The following ROCK2 variants were observed in gnomAD, a reference collection of about 807,000 sequenced individuals.
ROCK2 encodes the protein Rho associated coiled-coil containing protein kinase 2, also known as rho-associated protein kinase 2.
ROCK2 carries 61 observed loss-of-function variants against 195.1 expected under a neutral mutation model. The observed-to-expected ratio is 0.31, with a 90% CI of 0.25 to 0.39. The LOEUF is 0.39. Among genes scored for constraint, ROCK2 ranks in the 10% least tolerant of loss-of-function variants. The pLI is 1.00. For synonymous variants in ROCK2, 504 were observed against 545.5 expected (o/e 0.92, Z 1.06); for missense variants, 1,109 against 1,637.4 (o/e 0.68, Z 5.57).
intron 4 of ROCK2, 100 bp downstream of exon 4, chr2:11,249,561 A>G: frequency 1.1e-6 from 1 of 920,608 alleles, no homozygotes; most frequent in Non-Finnish European, 1.5e-6. Context: ...CACTGTTACC[A>G]TGTAAATGAA....
intron 12 of ROCK2, among the ~76,000 whole-genome samples, chr2:11,216,613 C>T (rs1004155052): frequency 2.0e-5 from 3 of 151,874 alleles, no homozygotes; most frequent in African/African-American, 4.8e-5. Context: ...CAGGTTCAAG[C>T]GACTGTCCCG....
intron 3 of ROCK2, among the ~76,000 whole-genome samples, chr2:11,265,089 A>C (rs1333850652): frequency 6.6e-6 from 1 of 151,832 alleles, no homozygotes; most frequent in Non-Finnish European, 1.5e-5. Context: ...TAGTAATAAT[A>C]CTTACCTGAA....
intron 4 of ROCK2, among the ~76,000 whole-genome samples, chr2:11,244,257 T>A (rs1665534033): frequency 6.6e-6 from 1 of 152,188 alleles, no homozygotes; most frequent in Non-Finnish European, 1.5e-5. Flanking sequence ...ATGTAATATC[T>A]TCAACTTTGC....
At chr2:11,266,636 C>T (rs1262043722) in intron 3 of ROCK2, among the ~76,000 whole-genome samples, 3 of 152,182 alleles carry the variant, frequency 2.0e-5, no homozygotes, top group Non-Finnish European at 4.4e-5. Flanking sequence ...CAAAAACATA[C>T]TCATAAAGAT....
chr2:11,310,772 C>T (rs1433073646), intron 1 of ROCK2, among the ~76,000 whole-genome samples: 2 of 151,884 alleles, frequency 1.3e-5, no homozygotes, highest in Non-Finnish European at 2.9e-5. Flanking sequence ...TGTTATATAA[C>T]ACACACTGAC....
chr2:11,342,052 G>A (rs943133037), intron 1 of ROCK2, among the ~76,000 whole-genome samples: 5 of 151,978 alleles, frequency 3.3e-5, no homozygotes, highest in Non-Finnish European at 7.4e-5. Context: ...TAAAATACGC[G>A]TAATTTAAAA....
intron 3 of ROCK2, among the ~76,000 whole-genome samples, chr2:11,264,190 C>G (rs1335516474): frequency 6.6e-6 from 1 of 152,074 alleles, no homozygotes; most frequent in African/African-American, 2.4e-5. Context: ...TCTTTATCAG[C>G]ACTTCACAAC....
In ROCK2 at chr2:11,313,313, T is replaced by C. The variant is rs555974094; in HGVS notation, c.142-25577A>G. The stretch of plus-strand genomic sequence containing the variant: ...CTATTAACTATTAACTAAAGACAAA[T>C]TAAAACTAACAAGAAAGACTCTGAC... On this transcript the variant is annotated intron_variant, in intron 1 of 32. Transcript: ENST00000315872. Among the ~76,000 whole-genome samples, 12 of 152,142 alleles carry C rather than the reference T, an allele frequency of 7.9e-5. No homozygotes were observed. In the South Asian group the frequency reaches 2.5e-3, roughly 32 times the overall value.
intron 3 of ROCK2, among the ~76,000 whole-genome samples, chr2:11,269,252 C>T (rs1666537655): frequency 6.6e-6 from 1 of 152,158 alleles, no homozygotes. Context: ...TGGCTCATGC[C>T]TGTAATATCA....
chr2:11,199,770 A>T (rs1449986860), intron 23 of ROCK2, among the ~76,000 whole-genome samples: 2 of 152,192 alleles, frequency 1.3e-5, no homozygotes, highest in Non-Finnish European at 2.9e-5. Flanking sequence ...GCATTCATTC[A>T]TTCATGGACA....
At chr2:11,331,041 A>AGGGAGGAGGG (rs1668748553) in intron 1 of ROCK2, among the ~76,000 whole-genome samples, 1 of 99,998 alleles carries the variant, frequency 1.0e-5, no homozygotes, top group Non-Finnish European at 2.2e-5. Flanking sequence ...AGGGAGGAGG[A>AGGGAGGAGGG]GGGAGGAGGA....
intron 1 of ROCK2, among the ~76,000 whole-genome samples, chr2:11,304,690 G>T (rs74547978): frequency 6.6e-6 from 1 of 152,074 alleles, no homozygotes; most frequent in Non-Finnish European, 1.5e-5. Flanking sequence ...TCATCTGCTC[G>T]CATCCACCTA....
At chr2:11,212,209 G>A (rs1664274470) in intron 17 of ROCK2, among the ~76,000 whole-genome samples, 1 of 152,060 alleles carries the variant, frequency 6.6e-6, no homozygotes, top group Non-Finnish European at 1.5e-5. Flanking sequence ...GGGCCATGGT[G>A]CTCAACCTTA....
chr2:11,258,938 C>A (rs1666129519), intron 3 of ROCK2, among the ~76,000 whole-genome samples: 1 of 150,350 alleles, frequency 6.7e-6, no homozygotes, highest in South Asian at 2.1e-4. Flanking sequence ...AGTTGGATTA[C>A]TGAAGAAGTA....
intron 3 of ROCK2, among the ~76,000 whole-genome samples, chr2:11,264,385 G>C (rs13423316): frequency 1.7e-3 from 218 of 127,026 alleles, no homozygotes; most frequent in African/African-American, 5.2e-3. Flanking sequence ...TTAACTATAA[G>C]AGTTGACAGA....
Position 11,235,510 on chromosome 2 carries a change from C to A in ROCK2, c.723+192G>T, listed in dbSNP as rs1285976805. Among the ~76,000 whole-genome samples, 1 of 152,144 alleles carries A rather than the reference C, an allele frequency of 6.6e-6. No homozygotes were observed. Among genetic ancestry groups the A allele is most frequent in the Non-Finnish European group, 1.5e-5 (1 of 68,012 alleles). On this transcript the variant is annotated intron_variant, in intron 5 of 32. Coordinates refer to ENST00000315872, the MANE Select transcript of ROCK2 (RefSeq NM_004850.5). This position sits in a 1 kb window ranked among gnomAD's most constrained non-coding sequence, Gnocchi z 4.2. ...TCTCTTGATAAGTACTCTACAGCTACATAAATGATTACAAAAGAAATGTTT... is the reference window on the plus strand; with the variant it reads ...TCTCTTGATAAGTACTCTACAGCTAAATAAATGATTACAAAAGAAATGTTT...
At chr2:11,229,009 A>C (rs1373915619) in intron 5 of ROCK2, among the ~76,000 whole-genome samples, 1 of 152,096 alleles carries the variant, frequency 6.6e-6, no homozygotes, top group Non-Finnish European at 1.5e-5. Flanking sequence ...AGTGAAATCC[A>C]AATCAACTAA....
At chr2:11,272,760 C>T (rs1254430054) in intron 3 of ROCK2, among the ~76,000 whole-genome samples, 1 of 151,340 alleles carries the variant, frequency 6.6e-6, no homozygotes, top group Non-Finnish European at 1.5e-5. Flanking sequence ...ACCCCAGCTA[C>T]TCGGGAGGCT....
intron 3 of ROCK2, among the ~76,000 whole-genome samples, chr2:11,271,477 G>T (rs147136119): frequency 6.6e-6 from 1 of 151,910 alleles, no homozygotes; most frequent in Non-Finnish European, 1.5e-5. Context: ...TATAGCCATG[G>T]CTATTTGTTT....
Sources: allele counts gnomAD v4.1 joint callset (sites outside exome capture counted in the v4.1 genomes callset), GRCh38; gene constraint gnomAD v4.1.1; non-coding constraint Gnocchi (gnomAD v3.1); transcripts MANE v1.5; gene names NCBI Gene and HGNC (gene_info 2026-07-23, HGNC 2026-07-21).